Variants in CTNNA3 observed in about 807,000 individuals in gnomAD.
The protein encoded by CTNNA3 is catenin alpha 3.
A neutral mutation model predicts 95.7 loss-of-function variants in CTNNA3; 76 were observed. The observed-to-expected ratio is 0.79, with a 90% CI of 0.66 to 0.96. The LOEUF (loss-of-function observed/expected upper bound fraction) is 0.96. CTNNA3 is among the 40% of genes least tolerant of loss of function. CTNNA3 has a pLI of 0.00. For missense variants in CTNNA3, 1,191 were observed against 1,089.8 expected (o/e 1.09, Z -1.31); for synonymous variants, 431 against 374.4 (o/e 1.15, Z -1.74).
At chr10:66,402,384 T>C (rs761481999) in intron 11 of CTNNA3, among the ~76,000 whole-genome samples, 2 of 142,712 alleles carry the variant, frequency 1.4e-5, no homozygotes, top group African/African-American at 2.9e-5. Flanking sequence ...TTATTAAATG[T>C]TCAGTACCAA....
intron 13 of CTNNA3, among the ~76,000 whole-genome samples, chr10:66,198,413 G>T (rs2087103574): frequency 6.6e-6 from 1 of 152,070 alleles, no homozygotes; most frequent in Non-Finnish European, 1.5e-5. Flanking sequence ...GATTAATTTG[G>T]TGAATTGGTG....
chr10:66,055,350 T>G (rs1410597464), intron 15 of CTNNA3, among the ~76,000 whole-genome samples: 1 of 152,198 alleles, frequency 6.6e-6, no homozygotes, highest in Non-Finnish European at 1.5e-5. Flanking sequence ...TTCTCATCCA[T>G]GAACATGAAA....
intron 13 of CTNNA3, among the ~76,000 whole-genome samples, chr10:66,223,615 G>A (rs1231228704): frequency 6.6e-6 from 1 of 152,152 alleles, no homozygotes; most frequent in Non-Finnish European, 1.5e-5. Context: ...GCACTGATAA[G>A]ACATCATAAG....
chr10:66,406,480 C>A (rs1245125978), intron 11 of CTNNA3, among the ~76,000 whole-genome samples: 1 of 152,084 alleles, frequency 6.6e-6, no homozygotes, highest in Non-Finnish European at 1.5e-5. Flanking sequence ...ATTTGTTTTC[C>A]ATACCAATGC....
At chr10:66,255,610 A>G (rs2090737813) in intron 13 of CTNNA3, among the ~76,000 whole-genome samples, 2 of 151,952 alleles carry the variant, frequency 1.3e-5, no homozygotes, top group Non-Finnish European at 2.9e-5. Context: ...CACCCTTTCC[A>G]TCTGCTTCAT....
chr10:67,527,679 G>C (rs1161982295), intron 4 of CTNNA3, among the ~76,000 whole-genome samples: 2 of 152,232 alleles, frequency 1.3e-5, no homozygotes, highest in Admixed American at 1.3e-4. Flanking sequence ...AACAAAAGAT[G>C]AATGTGGATT....
intron 1 of CTNNA3, chr10:67,751,162 G>C: frequency 2.3e-6 from 3 of 1,286,804 alleles, no homozygotes; most frequent in Non-Finnish European, 3.4e-6. Flanking sequence ...AGCTTCAACA[G>C]AAACTGGAGG....
intron 11 of CTNNA3, among the ~76,000 whole-genome samples, chr10:66,452,196 T>C (rs2093468937): frequency 6.6e-6 from 1 of 152,236 alleles, no homozygotes; most frequent in South Asian, 2.1e-4. Context: ...CATATTAGTA[T>C]ATTTATGTGC....
chr10:67,147,579 T>C (rs1860904682), intron 7 of CTNNA3, among the ~76,000 whole-genome samples: 3 of 152,192 alleles, frequency 2.0e-5, no homozygotes, highest in Admixed American at 2.0e-4. Flanking sequence ...TAAACTGAGA[T>C]AAATGAGAAA....
intron 10 of CTNNA3, among the ~76,000 whole-genome samples, chr10:66,524,123 C>T (rs1056068578): frequency 9.6e-5 from 3 of 31,154 alleles, no homozygotes; most frequent in Non-Finnish European, 1.7e-4. Flanking sequence ...TGCTCTACTC[C>T]GTCTCAGGAA....
At chr10:66,813,576 A>C (rs1486406412) in intron 7 of CTNNA3, among the ~76,000 whole-genome samples, 2 of 152,186 alleles carry the variant, frequency 1.3e-5, no homozygotes, top group East Asian at 3.8e-4. Context: ...AAATTCAATA[A>C]AATTTTTCTG....
chr10:66,807,851 A>G (rs1384978324), intron 7 of CTNNA3, among the ~76,000 whole-genome samples: 1 of 152,108 alleles, frequency 6.6e-6, no homozygotes, highest in Non-Finnish European at 1.5e-5. Flanking sequence ...TTTTAATAAG[A>G]GCTATATAAC....
chr10:66,334,988 C>T (rs2092378207), intron 12 of CTNNA3, among the ~76,000 whole-genome samples: 1 of 152,052 alleles, frequency 6.6e-6, no homozygotes, highest in African/African-American at 2.4e-5. Context: ...TTTGATCTTA[C>T]ATCACTGATA....
At chr10:66,460,019 G>T (rs1332017831) in intron 11 of CTNNA3, among the ~76,000 whole-genome samples, 2 of 151,940 alleles carry the variant, frequency 1.3e-5, no homozygotes, top group Non-Finnish European at 2.9e-5. Context: ...AAAATAGACA[G>T]CCAATTGCCA....
At chr10:67,299,503 A>G (rs373683382) in intron 5 of CTNNA3, among the ~76,000 whole-genome samples, 17 of 152,276 alleles carry the variant, frequency 1.1e-4, no homozygotes, top group African/African-American at 3.9e-4. Context: ...AGAAGTTCTG[A>G]GTATTATTTC....
At chr10:67,387,472 G>C (rs894997628) in intron 5 of CTNNA3, among the ~76,000 whole-genome samples, 1 of 152,188 alleles carries the variant, frequency 6.6e-6, no homozygotes, top group Admixed American at 6.5e-5. Context: ...AGGCAGCAGC[G>C]AGGCTGGGGG....
intron 3 of CTNNA3, among the ~76,000 whole-genome samples, chr10:67,563,130 A>G (rs1238543533): frequency 1.3e-5 from 2 of 152,108 alleles, no homozygotes; most frequent in African/African-American, 2.4e-5. Flanking sequence ...ACAGAATTGG[A>G]AAAAACTACT....
intron 13 of CTNNA3, among the ~76,000 whole-genome samples, chr10:66,120,966 C>T (rs1462182702): frequency 6.6e-6 from 1 of 152,100 alleles, no homozygotes; most frequent in African/African-American, 2.4e-5. Flanking sequence ...TGAAAATAAC[C>T]CAGGTGCGAA....
intron 7 of CTNNA3, among the ~76,000 whole-genome samples, chr10:66,791,577 T>C (rs1182842673): frequency 2.0e-5 from 3 of 152,198 alleles, no homozygotes; most frequent in African/African-American, 7.2e-5. Flanking sequence ...ATAAACTCAT[T>C]TTTTGTAATT....
Sources: allele counts gnomAD v4.1 joint callset (sites outside exome capture counted in the v4.1 genomes callset), GRCh38; gene constraint gnomAD v4.1.1; transcripts MANE v1.5; gene names NCBI Gene and HGNC (gene_info 2026-07-23, HGNC 2026-07-21).